Variants in ZNRF2 observed in about 807,000 individuals in gnomAD.
ZNRF2 encodes E3 ubiquitin-protein ligase ZNRF2.
ZNRF2 carries 16 observed loss-of-function variants against 20.4 expected under a neutral mutation model. The ratio of observed to expected loss-of-function variants is 0.79; its 90% CI spans 0.53 to 1.19. The LOEUF (loss-of-function observed/expected upper bound fraction) is 1.19, where lower values mean the gene tolerates loss of function less well. Ranked by LOEUF, ZNRF2 falls within the 50% of genes most tolerant of loss-of-function variation. The pLI is 0.00. For synonymous variants in ZNRF2, 178 were observed against 144.9 expected, an observed-to-expected ratio of 1.23 and a Z score of -1.64; for missense variants, 363 against 332.4, an observed-to-expected ratio of 1.09 and a Z score of -0.72.
chr7:30,355,886 C>G (rs1370896346), intron 3 of ZNRF2, 53 bp downstream of exon 3: 2 of 1,389,434 alleles, frequency 1.4e-6, no homozygotes, highest in Non-Finnish European at 2.0e-6. Context: ...CAGTTTCAGA[C>G]ATTGTAATTA....
chr7:30,351,775 A>T (rs1439821852), intron 2 of ZNRF2, among the ~76,000 whole-genome samples: 2 of 152,068 alleles, frequency 1.3e-5, no homozygotes, highest in Non-Finnish European at 2.9e-5. Flanking sequence ...TAGGATTAAC[A>T]TGTGACTTAA....
At chr7:30,311,571 T>C (rs1007090166) in intron 1 of ZNRF2, among the ~76,000 whole-genome samples, 1 of 152,186 alleles carries the variant, frequency 6.6e-6, no homozygotes, top group Non-Finnish European at 1.5e-5. Context: ...TCAGACTAAC[T>C]GCAGATGTGT....
At chr7:30,333,424 C>G (rs1799668939) in intron 2 of ZNRF2, among the ~76,000 whole-genome samples, 1 of 150,392 alleles carries the variant, frequency 6.6e-6, no homozygotes, top group South Asian at 2.1e-4. Flanking sequence ...GGCTGGAGTG[C>G]AGTGGCGCCA....
intron 2 of ZNRF2, among the ~76,000 whole-genome samples, chr7:30,347,135 C>T (rs1799891362): frequency 6.6e-6 from 1 of 152,064 alleles, no homozygotes; most frequent in African/African-American, 2.4e-5. Context: ...TCATCCATTC[C>T]TGCATATACT....
At chr7:30,320,742 G>C (rs1258638740) in intron 1 of ZNRF2, among the ~76,000 whole-genome samples, 1 of 152,094 alleles carries the variant, frequency 6.6e-6, no homozygotes, top group East Asian at 1.9e-4. Flanking sequence ...CTAAGTCAAG[G>C]AGCATTTGTA....
Position 30,326,504 on chromosome 7 carries a change from A to G in ZNRF2, c.565+2767A>G, listed in dbSNP as rs114571424. On this transcript the variant is annotated intron_variant, in intron 2 of 4. Transcript: ENST00000323037. ...GCTGTGTAGTATTCACACGGTATAT[A>G]TGGACCCACATTTTCTTTATCCAGT... Among the ~76,000 whole-genome samples the G allele has an allele frequency of 6.6e-3, 1,003 of 152,298 alleles. 7 individuals carry two copies. Among genetic ancestry groups the G allele is most frequent in the African/African-American group, 0.023 (960 of 41,550 alleles).
intron 1 of ZNRF2, among the ~76,000 whole-genome samples, chr7:30,286,059 C>T (rs1350609882): frequency 1.3e-5 from 2 of 152,232 alleles, no homozygotes; most frequent in African/African-American, 2.4e-5. Context: ...AGCACCCTCA[C>T]CTCAGCGGCT....
chr7:30,365,107 T>C (rs1229793259), intron 4 of ZNRF2, among the ~76,000 whole-genome samples: 1 of 151,774 alleles, frequency 6.6e-6, no homozygotes, highest in Non-Finnish European at 1.5e-5. Flanking sequence ...ACATAGCAAT[T>C]TTGGGAGTAC....
At chr7:30,294,114 C>T (rs1798965568) in intron 1 of ZNRF2, among the ~76,000 whole-genome samples, 1 of 152,072 alleles carries the variant, frequency 6.6e-6, no homozygotes, top group Non-Finnish European at 1.5e-5. Context: ...GTTTGAACAA[C>T]ACATTTTGCT....
rs138931224 is a variant in ZNRF2 at position 30,344,302 on chromosome 7, A to G, written c.566-11426A>G. On this transcript the variant is annotated intron_variant, in intron 2 of 4. Transcript: ENST00000323037. ...GATTAGAAATAACTGTGGTGTTTCT[A>G]ATTGTATTTCTTATAACTGTATTTC... Among the ~76,000 whole-genome samples, 15 of 151,568 alleles carry G rather than the reference A, an allele frequency of 9.9e-5. No homozygotes were observed. In the East Asian group the frequency reaches 2.9e-3, roughly 29 times the overall value.
intron 2 of ZNRF2, among the ~76,000 whole-genome samples, chr7:30,338,577 C>A (rs1799752182): frequency 6.6e-6 from 1 of 152,084 alleles, no homozygotes; most frequent in Admixed American, 6.5e-5. Context: ...TTTCCAGCTT[C>A]ATCCATGTCC....
intron 1 of ZNRF2, among the ~76,000 whole-genome samples, chr7:30,290,695 A>G (rs1798884622): frequency 6.6e-6 from 1 of 152,242 alleles, no homozygotes; most frequent in African/African-American, 2.4e-5. Context: ...AGGTTTAAAC[A>G]CCAGGAAGTG....
chr7:30,324,901 G>A (rs914383246), intron 2 of ZNRF2, among the ~76,000 whole-genome samples: 1 of 152,134 alleles, frequency 6.6e-6, no homozygotes, highest in Non-Finnish European at 1.5e-5. Flanking sequence ...GATGCCTAAT[G>A]GGAGAAAAAA....
At chr7:30,334,739 AACT>A (rs1219194761) in intron 2 of ZNRF2, among the ~76,000 whole-genome samples, 1 of 152,094 alleles carries the variant, frequency 6.6e-6, no homozygotes, top group Non-Finnish European at 1.5e-5. Flanking sequence ...TTAATTAGAA[AACT>A]ACTGCTATCA....
chr7:30,295,042 AGAGAGAGAGTGTGTGTGTGTGTGT>A (rs1798990873), intron 1 of ZNRF2, among the ~76,000 whole-genome samples: 2 of 115,056 alleles, frequency 1.7e-5, no homozygotes, highest in African/African-American at 8.2e-5. Context: ...AGAGAGAGAG[AGAGAGAGAGTGTGTGTGTGTGTGT>A]GTGTGTGTGT....
chr7:30,311,905 C>A (rs1308350786), intron 1 of ZNRF2, among the ~76,000 whole-genome samples: 1 of 152,006 alleles, frequency 6.6e-6, no homozygotes, highest in African/African-American at 2.4e-5. Context: ...GTATATTTAG[C>A]CTTCCTTGTT....
At chr7:30,347,627 C>T (rs965531417) in intron 2 of ZNRF2, among the ~76,000 whole-genome samples, 1 of 152,148 alleles carries the variant, frequency 6.6e-6, no homozygotes, top group South Asian at 2.1e-4. Context: ...GCAGGAGAAT[C>T]GCTTGAGCCC....
Position 30,285,473 on chromosome 7 carries a change from G to A in ZNRF2, c.116G>A (p.Gly39Glu). 9.0e-7 allele frequency: 1 copy of A among 1,109,716 alleles called. No homozygotes were observed. Among genetic ancestry groups the A allele is most frequent in the Non-Finnish European group, 1.1e-6 (1 of 909,380 alleles). The allele number at this position is 1,109,716 out of a possible 1,614,324, so 68.7% of individuals were successfully genotyped here. Residue 39 changes from glycine (G) to glutamate (E), a missense_variant, in exon 1 of 5, where the codon GGG (glycine) becomes GAG (glutamate). Physicochemically the swap from Gly to Glu is moderately conservative, Grantham distance 98. Coordinates refer to ENST00000323037, the MANE Select transcript of ZNRF2 (RefSeq NM_147128.4). Reference sequence around the variant, plus strand: ...GCCAATGGGACCGCGGGCGGCGGCGGGGGCGCTCGGGCCGCCGCCGCGGGG... The same window carrying A: ...GCCAATGGGACCGCGGGCGGCGGCGAGGGCGCTCGGGCCGCCGCCGCGGGG... The part of the protein sequence containing the change: ...GGANGTAGGG[G>E]GARAAAAGRF...
intron 3 of ZNRF2, among the ~76,000 whole-genome samples, chr7:30,361,855 T>C (rs767591464): frequency 5.9e-5 from 9 of 152,218 alleles, no homozygotes; most frequent in African/African-American, 9.6e-5. Context: ...CATAAAATAC[T>C]TCCTAAATAC....
Sources: allele counts gnomAD v4.1 joint callset (sites outside exome capture counted in the v4.1 genomes callset), GRCh38; gene constraint gnomAD v4.1.1; transcripts MANE v1.5; gene names NCBI Gene and HGNC (gene_info 2026-07-23, HGNC 2026-07-21).